Variants in CSMD1 observed in about 807,000 individuals in gnomAD.
CSMD1 encodes the protein CUB and Sushi multiple domains 1.
Under a neutral mutation model 417.5 loss-of-function variants are expected in CSMD1, and 213 were observed. The observed-to-expected ratio is 0.51, with a 90% CI of 0.46 to 0.57. The LOEUF is 0.57. Ranked by LOEUF, CSMD1 falls within the 20% of genes least tolerant of loss-of-function variation. The probability of loss-of-function intolerance (pLI) is 0.00; values close to 1 mark genes in which losing one functional copy is unlikely to be tolerated. For missense variants in CSMD1, 6,923 were observed against 4,529.7 expected (o/e 1.53, Z -15.17); for synonymous variants, 2,862 against 1,736.8 (o/e 1.65, Z -16.11).
At chr8:3,616,910 A>T (rs767573980) in intron 7 of CSMD1, 113 bp from the exon 8 acceptor site, 1 of 645,604 alleles carries the variant, frequency 1.5e-6, no homozygotes, top group East Asian at 2.8e-5. Context: ...TTAAAATGTG[A>T]TCTCCAAAGG....
At chr8:3,174,807 T>C (rs1209317136) in intron 37 of CSMD1, among the ~76,000 whole-genome samples, 1 of 151,638 alleles carries the variant, frequency 6.6e-6, no homozygotes, top group East Asian at 1.9e-4. Flanking sequence ...TTCCATTAAA[T>C]TTTTTTTTAT....
intron 12 of CSMD1, among the ~76,000 whole-genome samples, chr8:3,459,806 A>T (rs1462234341): frequency 6.6e-6 from 1 of 152,128 alleles, no homozygotes; most frequent in Admixed American, 6.5e-5. Context: ...AACCAGAAAC[A>T]GTCTGTGTTG....
In CSMD1 at chr8:4,447,803, A is replaced by T. The variant is rs542810775; in HGVS notation, c.303-27738T>A. Among the ~76,000 whole-genome samples the T allele has an allele frequency of 1.5e-3, 232 of 152,324 alleles. 4 individuals are homozygous for T. The highest frequency in any genetic ancestry group is 5.2e-3 in the African/African-American group (215 of 41,574). Reference sequence around the variant, plus strand: ...TAAAAGGAGAAGAAAATAAACGAACACAACTAAGAAGTCACAACGTTTCAA... The same window carrying T: ...TAAAAGGAGAAGAAAATAAACGAACTCAACTAAGAAGTCACAACGTTTCAA... On this transcript the variant is annotated intron_variant, in intron 2 of 69. Transcript: ENST00000635120.
chr8:3,590,758 C>T (rs117134155), intron 8 of CSMD1, among the ~76,000 whole-genome samples: 77 of 152,160 alleles, frequency 5.1e-4, no homozygotes, highest in Middle Eastern at 3.4e-3. Context: ...GCAGCACAGC[C>T]GAGGAGGAGA....
intron 1 of CSMD1, among the ~76,000 whole-genome samples, chr8:4,665,181 A>G (rs985810621): frequency 6.6e-6 from 1 of 151,802 alleles, no homozygotes; most frequent in Non-Finnish European, 1.5e-5. Flanking sequence ...CTGTTTGTCC[A>G]TTTGCCAAAC....
intron 1 of CSMD1, among the ~76,000 whole-genome samples, chr8:4,942,314 G>T (rs759961309): frequency 6.6e-6 from 1 of 151,472 alleles, no homozygotes; most frequent in Non-Finnish European, 1.5e-5. Flanking sequence ...GTGAATTCTT[G>T]CCTAACTCTG....
At chr8:3,914,550 C>T (rs925577698) in intron 5 of CSMD1, among the ~76,000 whole-genome samples, 2 of 152,010 alleles carry the variant, frequency 1.3e-5, no homozygotes, top group African/African-American at 4.8e-5. Flanking sequence ...CAATAGTTTC[C>T]ACTGTTGAAA....
chr8:3,911,477 A>C (rs1055011921), intron 5 of CSMD1, among the ~76,000 whole-genome samples: 10 of 151,578 alleles, frequency 6.6e-5, no homozygotes, highest in African/African-American at 2.4e-4. Flanking sequence ...GCAGTGAGCC[A>C]AGATTGCGCC....
chr8:3,095,415 G>T (rs188482252), intron 47 of CSMD1, among the ~76,000 whole-genome samples: 1 of 152,066 alleles, frequency 6.6e-6, no homozygotes, highest in African/African-American at 2.4e-5. Flanking sequence ...TAAAGAAAAA[G>T]TTGTAAATAA....
At chr8:4,352,817 T>G (rs1018292440) in intron 3 of CSMD1, among the ~76,000 whole-genome samples, 1 of 152,218 alleles carries the variant, frequency 6.6e-6, no homozygotes, top group Non-Finnish European at 1.5e-5. Context: ...CATTTCAAGA[T>G]GGTTCAAACG....
At chr8:4,027,921 G>A (rs754415644) in intron 4 of CSMD1, among the ~76,000 whole-genome samples, 1 of 152,018 alleles carries the variant, frequency 6.6e-6, no homozygotes, top group African/African-American at 2.4e-5. Flanking sequence ...AGAATGTAAT[G>A]GAAATAATGG....
At chr8:4,641,228 G>T (rs1803171064) in intron 1 of CSMD1, among the ~76,000 whole-genome samples, 1 of 151,836 alleles carries the variant, frequency 6.6e-6, no homozygotes, top group African/African-American at 2.4e-5. Flanking sequence ...ACTTCCAAGA[G>T]AAAACCTGAA....
At chr8:3,299,013 C>G (rs1454967983) in intron 25 of CSMD1, among the ~76,000 whole-genome samples, 1 of 152,274 alleles carries the variant, frequency 6.6e-6, no homozygotes, top group African/African-American at 2.4e-5. Context: ...GTTTTGCCAT[C>G]TTGGAAAATG....
At chr8:4,976,890 G>A (rs1415602365) in intron 1 of CSMD1, among the ~76,000 whole-genome samples, 1 of 152,094 alleles carries the variant, frequency 6.6e-6, no homozygotes, top group African/African-American at 2.4e-5. Context: ...TTGCTGGTCA[G>A]CTATAAACAT....
intron 3 of CSMD1, among the ~76,000 whole-genome samples, chr8:4,063,547 C>G (rs577388828): frequency 6.6e-6 from 1 of 152,250 alleles, no homozygotes; most frequent in South Asian, 2.1e-4. Flanking sequence ...AAAAATACTC[C>G]TTAAGAACCA....
chr8:4,657,631 G>C (rs1238696187), intron 1 of CSMD1, among the ~76,000 whole-genome samples: 3 of 150,800 alleles, frequency 2.0e-5, no homozygotes, highest in Admixed American at 6.6e-5. Flanking sequence ...AATTTGCACA[G>C]TTACCAATGT....
intron 3 of CSMD1, among the ~76,000 whole-genome samples, chr8:4,319,365 G>C (rs968587203): frequency 3.9e-5 from 6 of 152,034 alleles, no homozygotes; most frequent in African/African-American, 1.4e-4. Flanking sequence ...TTTGCTGAAT[G>C]TTTCTTTGAA....
intron 3 of CSMD1, among the ~76,000 whole-genome samples, chr8:4,067,976 C>T (rs1799340366): frequency 6.6e-6 from 1 of 151,950 alleles, no homozygotes; most frequent in Non-Finnish European, 1.5e-5. Flanking sequence ...ACTTGGGAGG[C>T]TGAGAAAGGA....
intron 2 of CSMD1, among the ~76,000 whole-genome samples, chr8:4,458,314 C>T (rs555821136): frequency 1.3e-4 from 19 of 151,494 alleles, no homozygotes; most frequent in Admixed American, 3.9e-4. Flanking sequence ...TTTTTGTGTG[C>T]GCACAAGGGA....
Sources: allele counts gnomAD v4.1 joint callset (sites outside exome capture counted in the v4.1 genomes callset), GRCh38; gene constraint gnomAD v4.1.1; transcripts MANE v1.5; gene names NCBI Gene and HGNC (gene_info 2026-07-23, HGNC 2026-07-21).